NYAP1: variants seen among roughly 807,000 people sequenced by gnomAD.
The protein encoded by NYAP1 is neuronal tyrosine phosphorylated phosphoinositide-3-kinase adaptor 1.
In NYAP1, 20 loss-of-function variants were observed where a neutral mutation model predicts 58.6. The ratio of observed to expected loss-of-function variants is 0.34; its 90% confidence interval spans 0.24 to 0.50. NYAP1 has a LOEUF of 0.50. Among genes scored for constraint, NYAP1 ranks in the 20% least tolerant of loss-of-function variants. The pLI is 0.98. For synonymous variants in NYAP1, 572 were observed against 523.1 expected (o/e 1.09, Z -1.27); for missense variants, 1,150 against 1,194.5 (o/e 0.96, Z 0.55).
chr7:100,485,414 C>A lies in NYAP1; in HGVS notation c.68+35C>A. The A allele has an allele frequency of 6.6e-7, 1 of 1,516,072 alleles. No homozygotes were observed. The highest frequency in any genetic ancestry group is 1.4e-5 in the African/African-American group (1 of 72,956). 93.9% of individuals were successfully genotyped at this position (1,516,072 alleles called of 1,614,324 possible). A position where few individuals can be genotyped will look rare whatever the true frequency, so the allele number is the denominator to read the frequency against. ...CACCCCAGACTGCTCCCTTCCCTTCCGCACCTCTGCCTGCCCCCTCACTGG... is the reference window on the plus strand; with the variant it reads ...CACCCCAGACTGCTCCCTTCCCTTCAGCACCTCTGCCTGCCCCCTCACTGG... On this transcript the variant is annotated intron_variant, in intron 2 of 6. Transcript: ENST00000300179. This position sits in a 1 kb window ranked among gnomAD's most constrained non-coding sequence, Gnocchi z 5.7.
rs558397709 is a variant in NYAP1 at position 100,488,164 on chromosome 7, C to T, written c.443C>T (p.Pro148Leu). Residue 148 changes from proline (P) to leucine (L), a missense_variant, in exon 4 of 7, where the codon CCA (proline) becomes CTA (leucine). Physicochemically the swap from Pro to Leu is moderately conservative, Grantham distance 98. Coordinates refer to ENST00000300179, the MANE Select transcript of NYAP1 (RefSeq NM_173564.4). The surrounding 1 kb of genome is among the most constrained non-coding windows in gnomAD (Gnocchi z 5.9). ...TTGTCCTGTCCAGGCTCACAGAAGC[C>T]AACCCCAGAGGGCCGAGAGTCCAGC... ...PPSKKAGSQK[P>L]TPEGRESSRK... 4 of 1,590,996 alleles carry T rather than the reference C, an allele frequency of 2.5e-6. No individual in the cohort carries two copies. Among genetic ancestry groups the T allele is most frequent in the South Asian group, 1.1e-5 (1 of 87,654 alleles).
In NYAP1 at chr7:100,490,455, C is replaced by T. The variant is rs1799780035; in HGVS notation, c.1946-62C>T. The T allele has an allele frequency of 6.8e-7, 1 of 1,460,862 alleles. No homozygotes were observed. Among genetic ancestry groups the T allele is most frequent in the Non-Finnish European group, 9.4e-7 (1 of 1,064,660 alleles). The allele number at this position is 1,460,862 out of a possible 1,614,324, so 90.5% of individuals were successfully genotyped here. ...TCCACCCATACTGCAGCATGTGTGG[C>T]CAGAGGGACAGAATGACGCCTCCAA... On this transcript the variant is annotated intron_variant, in intron 4 of 6. Coordinates refer to ENST00000300179, the MANE Select transcript of NYAP1 (RefSeq NM_173564.4). This position sits in a 1 kb window ranked among gnomAD's most constrained non-coding sequence, Gnocchi z 4.6.
At position 100,487,228 on chromosome 7, in the gene NYAP1, A is replaced by AGCTG; in HGVS notation, c.430+47_430+48insCTGG. 1 of 1,466,862 alleles carries AGCTG rather than the reference A, an allele frequency of 6.8e-7. No homozygotes were observed. Among genetic ancestry groups the AGCTG allele is most frequent in the Non-Finnish European group, 9.0e-7 (1 of 1,109,404 alleles). 90.9% of individuals were successfully genotyped at this position (1,466,862 alleles called of 1,614,324 possible). A position where few individuals can be genotyped will look rare whatever the true frequency, so the allele number is the denominator to read the frequency against. On this transcript the variant is annotated intron_variant, in intron 3 of 6. Transcript: ENST00000300179. The surrounding 1 kb of genome is among the most constrained non-coding windows in gnomAD (Gnocchi z 4.1). ...CCCTGGGGTGGAGCTGGGAGCTGGG[A>AGCTG]GGATCTATTCCACGCCCGGGGAGGC... is the stretch of plus-strand genomic sequence containing the variant.
chr7:100,492,543 A>G (rs1025851894), intron 6 of NYAP1, among the ~76,000 whole-genome samples: 2 of 152,146 alleles, frequency 1.3e-5, no homozygotes, highest in Non-Finnish European at 2.9e-5. Context: ...GTTGCAATGA[A>G]CTACGATCCC....
In NYAP1 at chr7:100,485,223, G is replaced by A. The variant is rs544492701; in HGVS notation, c.-84-5G>A. Reference sequence around the variant, plus strand: ...TTTTCCGTTCTCACCCACCCCGCCCGCCAGTGGATCCGGGACCCAGGGAGG... The same window carrying A: ...TTTTCCGTTCTCACCCACCCCGCCCACCAGTGGATCCGGGACCCAGGGAGG... On this transcript the variant is annotated splice_polypyrimidine_tract_variant and splice_region_variant and intron_variant, in intron 1 of 6. Transcript: ENST00000300179. The surrounding 1 kb of genome is among the most constrained non-coding windows in gnomAD (Gnocchi z 5.7). The A allele has an allele frequency of 4.5e-3, 1,256 of 278,698 alleles. 8 individuals carry two copies. The highest frequency in any genetic ancestry group is 6.8e-3 in the Non-Finnish European group (967 of 143,090). The allele number at this position is 278,698 out of a possible 1,614,324, so 17.3% of individuals were successfully genotyped here.
At position 100,487,524 on chromosome 7, in the gene NYAP1, C is replaced by CA. The variant is rs1283722492; in HGVS notation, c.430+343dup. ...TCTCAGCACTTTTTTTTTTTTGAGA[C>CA]AGAGTCTCGCTCTGTTGCCCAGGCA... On this transcript the variant is annotated intron_variant, in intron 3 of 6. Transcript: ENST00000300179. This position sits in a 1 kb window ranked among gnomAD's most constrained non-coding sequence, Gnocchi z 4.1. Among the ~76,000 whole-genome samples the CA allele has an allele frequency of 2.0e-5, 3 of 150,700 alleles. No individual in the cohort carries two copies. Among genetic ancestry groups the CA allele is most frequent in the Non-Finnish European group, 4.4e-5 (3 of 67,712 alleles).
chr7:100,492,107 C>T (rs1274681422), intron 6 of NYAP1, among the ~76,000 whole-genome samples: 1 of 151,900 alleles, frequency 6.6e-6, no homozygotes, highest in African/African-American at 2.4e-5. Context: ...GACATTGGGG[C>T]AGGCACCCGT....
At position 100,488,645 on chromosome 7, in the gene NYAP1, G is replaced by C. The variant is rs150340305; in HGVS notation, c.924G>C (p.Pro308=). 6.2e-7 allele frequency: 1 copy of C among 1,609,360 alleles called. No homozygotes were observed. Among genetic ancestry groups the C allele is most frequent in the Non-Finnish European group, 8.5e-7 (1 of 1,178,668 alleles). ...ACCGCCGCCCAGCTTCAGCCCTCCCGAGCCGGAGGGACGGGACGCCCACCA... is the reference window on the plus strand; with the variant it reads ...ACCGCCGCCCAGCTTCAGCCCTCCCCAGCCGGAGGGACGGGACGCCCACCA... The part of the protein sequence containing the change: ...HAHRRPASAL[P]SRRDGTPTKT... The change falls in exon 4 of 7, where the codon CCG becomes CCC. Residue 308 remains proline, a synonymous_variant. Coordinates refer to ENST00000300179, the MANE Select transcript of NYAP1 (RefSeq NM_173564.4). The surrounding 1 kb of genome is among the most constrained non-coding windows in gnomAD (Gnocchi z 5.9).
intron 6 of NYAP1, among the ~76,000 whole-genome samples, chr7:100,492,727 T>A (rs1450385710): frequency 1.3e-5 from 2 of 152,084 alleles, no homozygotes; most frequent in East Asian, 3.9e-4. Flanking sequence ...AGGGAGACCC[T>A]GTCTTTACAA....
rs1799762147 is a variant in NYAP1, at chr7:100,489,514, G to C, written c.1793G>C (p.Gly598Ala). The C allele has an allele frequency of 2.5e-6, 4 of 1,613,470 alleles. No homozygotes were observed. The highest frequency in any genetic ancestry group is 3.4e-6 in the Non-Finnish European group (4 of 1,179,994). Residue 598 changes from glycine (G) to alanine (A), a missense_variant, in exon 4 of 7, where the codon GGT becomes GCT. Gly to Ala is a moderately conservative substitution (Grantham distance 60). Coordinates refer to ENST00000300179, the MANE Select transcript of NYAP1 (RefSeq NM_173564.4). ...CTGCAGGAGCAAGGGACCGATGGGG[G>C]TGCTTTTGCCAGCATCTCCTGTGCC... ...IQLQEQGTDG[G>A]AFASISCAHV...
chr7:100,490,967 C>A lies in NYAP1; in HGVS notation c.2159-19C>A. 6.7e-7 allele frequency: 1 copy of A among 1,501,096 alleles called. No individual in the cohort carries two copies. Among genetic ancestry groups the A allele is most frequent in the Non-Finnish European group, 9.1e-7 (1 of 1,102,910 alleles). The allele number at this position is 1,501,096 out of a possible 1,614,324, so 93.0% of individuals were successfully genotyped here. A position where few individuals can be genotyped will look rare whatever the true frequency, so the allele number is the denominator to read the frequency against. The stretch of plus-strand genomic sequence containing the variant: ...ACCTGAGGCCCCTGCACTCCTCACT[C>A]CTCCTTCTTCCACCTCAGACTTCAC... On this transcript the variant is annotated intron_variant, in intron 5 of 6. Coordinates refer to ENST00000300179, the MANE Select transcript of NYAP1 (RefSeq NM_173564.4). This position sits in a 1 kb window ranked among gnomAD's most constrained non-coding sequence, Gnocchi z 4.6.
chr7:100,485,417 A>C lies in NYAP1; in HGVS notation c.68+38A>C. ...CCCAGACTGCTCCCTTCCCTTCCGC[A>C]CCTCTGCCTGCCCCCTCACTGGGCC... On this transcript the variant is annotated intron_variant, in intron 2 of 6. Coordinates refer to ENST00000300179, the MANE Select transcript of NYAP1 (RefSeq NM_173564.4). This position sits in a 1 kb window ranked among gnomAD's most constrained non-coding sequence, Gnocchi z 5.7. 6.7e-7 allele frequency: 1 copy of C among 1,494,502 alleles called. No homozygotes were observed. The highest frequency in any genetic ancestry group is 9.1e-7 in the Non-Finnish European group (1 of 1,093,892). The allele number at this position is 1,494,502 out of a possible 1,614,324, so 92.6% of individuals were successfully genotyped here.
chr7:100,487,257 C>A lies in NYAP1; in HGVS notation c.430+75C>A. The A allele has an allele frequency of 1.4e-6, 2 of 1,402,534 alleles. No homozygotes were observed. The highest frequency in any genetic ancestry group is 1.9e-6 in the Non-Finnish European group (2 of 1,065,850). The allele number at this position is 1,402,534 out of a possible 1,614,324, so 86.9% of individuals were successfully genotyped here. A position where few individuals can be genotyped will look rare whatever the true frequency, so the allele number is the denominator to read the frequency against. On this transcript the variant is annotated intron_variant, in intron 3 of 6. Transcript: ENST00000300179. The surrounding 1 kb of genome is among the most constrained non-coding windows in gnomAD (Gnocchi z 4.1). ...TCTATTCCACGCCCGGGGAGGCTTG[C>A]CGGGAGGGTTCATTCAGGGAAGAAC...
chr7:100,493,692 C>T lies in NYAP1; in HGVS notation c.2315C>T (p.Ala772Val). 6.3e-7 allele frequency: 1 copy of T among 1,592,700 alleles called. No homozygotes were observed. Among genetic ancestry groups the T allele is most frequent in the Non-Finnish European group, 8.5e-7 (1 of 1,173,814 alleles). The change falls in exon 7 of 7, where the codon GCC becomes GTC. Residue 772 changes from alanine to valine, a missense_variant. Coordinates refer to ENST00000300179, the MANE Select transcript of NYAP1 (RefSeq NM_173564.4). ...PLPLPLPPQP[A>V]RERDGKLLEV... ...CCTCTGCCCCTGCCGCCCCAGCCGG[C>T]CCGCGAGCGTGACGGGAAGCTGCTG...
chr7:100,491,513 C>T (rs963731167), intron 6 of NYAP1, among the ~76,000 whole-genome samples: 4 of 151,784 alleles, frequency 2.6e-5, no homozygotes, highest in Non-Finnish European at 5.9e-5. Flanking sequence ...AGGAAGATGG[C>T]TTTACCCTGG....
rs1233425504 is a variant in NYAP1 at position 100,493,891 on chromosome 7, C to T, written c.2514C>T (p.Asp838=). ...GCCGGCAGCACACGGTCCTCTGGGA[C>T]ACCGCCATCTGAGGCGGGCGGGGGG... ...PCRRQHTVLW[D]TAI is the part of the protein sequence containing the mutation. Residue 838 remains aspartate (D), a synonymous_variant, in exon 7 of 7, where the codon GAC becomes GAT. Transcript: ENST00000300179. 34 of 1,468,162 alleles carry T rather than the reference C, an allele frequency of 2.3e-5. No homozygotes were observed. The highest frequency in any genetic ancestry group is 3.0e-5 in the Non-Finnish European group (33 of 1,113,674). The allele number at this position is 1,468,162 out of a possible 1,614,324, so 90.9% of individuals were successfully genotyped here.
chr7:100,493,464 C>A (rs1179125582), intron 6 of NYAP1, among the ~76,000 whole-genome samples, 182 bp from the exon 7 acceptor site: 1 of 152,220 alleles, frequency 6.6e-6, no homozygotes, highest in Non-Finnish European at 1.5e-5. Flanking sequence ...GCCAAAGCTG[C>A]GCAAGTTGGA....
In NYAP1 at chr7:100,488,925, C is replaced by T. The variant is rs748095840; in HGVS notation, c.1204C>T (p.Arg402Trp). ...CCTGCTGCTGCTGGGACCATCGGGC[C>T]GGGCCCGGAGCCACTCGACACCGTT... ...ANLLLLGPSGRARSHSTPLPP... is the reference protein window; with the variant it reads ...ANLLLLGPSGWARSHSTPLPP... Residue 402 changes from arginine (R) to tryptophan (W), a missense_variant, in exon 4 of 7, where the codon CGG becomes TGG. By Grantham distance (101) the Arg-to-Trp change is moderately radical. Coordinates refer to ENST00000300179, the MANE Select transcript of NYAP1 (RefSeq NM_173564.4). This position sits in a 1 kb window ranked among gnomAD's most constrained non-coding sequence, Gnocchi z 5.9. 1.0e-5 allele frequency: 16 copies of T among 1,580,972 alleles called. No homozygotes were observed. Among genetic ancestry groups the T allele is most frequent in the African/African-American group, 4.1e-5 (3 of 73,860 alleles).
Position 100,493,708 on chromosome 7 carries a change from G to A in NYAP1, c.2331G>A (p.Gly777=), listed in dbSNP as rs1381967402. The change falls in exon 7 of 7, where the codon GGG becomes GGA. Residue 777 remains glycine (G), a synonymous_variant. Transcript: ENST00000300179. The part of the protein sequence containing the change: ...LPPQPARERD[G]KLLEVIERKR... The stretch of plus-strand genomic sequence containing the variant: ...CCCAGCCGGCCCGCGAGCGTGACGG[G>A]AAGCTGCTGGAGGTGATCGAGCGCA... 6.3e-7 allele frequency: 1 copy of A among 1,598,830 alleles called. No individual in the cohort carries two copies. Among genetic ancestry groups the A allele is most frequent in the Non-Finnish European group, 8.5e-7 (1 of 1,176,182 alleles).
Sources: allele counts gnomAD v4.1 joint callset (sites outside exome capture counted in the v4.1 genomes callset), GRCh38; gene constraint gnomAD v4.1.1; non-coding constraint Gnocchi (gnomAD v3.1); transcripts MANE v1.5; gene names NCBI Gene and HGNC (gene_info 2026-07-23, HGNC 2026-07-21).